MAGI2: variants seen among roughly 807,000 people sequenced by gnomAD.
MAGI2 encodes membrane associated guanylate kinase, WW and PDZ domain containing 2, also known as membrane-associated guanylate kinase, WW and PDZ domain-containing protein 2.
Under a neutral mutation model 133.3 loss-of-function variants are expected in MAGI2, and 35 were observed. The ratio of observed to expected loss-of-function variants is 0.26; its 90% CI spans 0.20 to 0.35. MAGI2 has a LOEUF of 0.35. Among genes scored for constraint, MAGI2 ranks in the 10% least tolerant of loss-of-function variants. The pLI, the probability that MAGI2 is intolerant of heterozygous loss-of-function variation, is 1.00. For missense variants in MAGI2, 1,636 were observed against 1,863.4 expected (o/e 0.88, Z 2.25); for synonymous variants, 729 against 710.6 (o/e 1.03, Z -0.41).
intron 3 of MAGI2, among the ~76,000 whole-genome samples, chr7:78,611,850 C>T (rs1806484617): frequency 6.6e-6 from 1 of 152,160 alleles, no homozygotes; most frequent in Non-Finnish European, 1.5e-5. Flanking sequence ...TACAACTGAC[C>T]TGAATCCACT....
chr7:78,274,541 C>T (rs907666424), intron 9 of MAGI2, among the ~76,000 whole-genome samples: 5 of 152,110 alleles, frequency 3.3e-5, no homozygotes, highest in South Asian at 4.1e-4. Context: ...TGCCCAGAAC[C>T]GCCCCTTCCC....
chr7:78,167,276 G>C (rs1825708414), intron 15 of MAGI2, among the ~76,000 whole-genome samples: 1 of 152,228 alleles, frequency 6.6e-6, no homozygotes, highest in Admixed American at 6.5e-5. Context: ...ATGGTAAAGA[G>C]AGATAAGTGG....
chr7:78,357,361 T>G (rs1792188998), intron 7 of MAGI2, among the ~76,000 whole-genome samples: 1 of 152,198 alleles, frequency 6.6e-6, no homozygotes, highest in Non-Finnish European at 1.5e-5. Context: ...TAATATTTTT[T>G]TCTCTGGGTT....
chr7:78,760,470 C>T (rs1263149242), intron 2 of MAGI2, among the ~76,000 whole-genome samples: 1 of 148,912 alleles, frequency 6.7e-6, no homozygotes, highest in African/African-American at 2.5e-5. Flanking sequence ...TCGAGCGATT[C>T]TCCTGCCTCA....
At chr7:79,275,076 C>G (rs1563069358) in intron 1 of MAGI2, among the ~76,000 whole-genome samples, 2 of 152,214 alleles carry the variant, frequency 1.3e-5, no homozygotes, top group African/African-American at 4.8e-5. Context: ...CCTACAATAT[C>G]CTCTAAGTGT....
At chr7:78,260,071 G>A (rs1793370820) in intron 9 of MAGI2, among the ~76,000 whole-genome samples, 1 of 152,162 alleles carries the variant, frequency 6.6e-6, no homozygotes. Context: ...TGAGTGGTCA[G>A]TTATCACAGG....
chr7:79,189,278 C>T (rs1320276610), intron 1 of MAGI2, among the ~76,000 whole-genome samples: 4 of 144,520 alleles, frequency 2.8e-5, no homozygotes, highest in Non-Finnish European at 3.0e-5. Flanking sequence ...ATCCTAGGAG[C>T]CTCATTCCTG....
At chr7:79,245,536 AC>A in intron 1 of MAGI2, among the ~76,000 whole-genome samples, 1 of 151,674 alleles carries the variant, frequency 6.6e-6, no homozygotes, top group East Asian at 1.9e-4. Context: ...ATGAGGGGAG[AC>A]CCCTCTGCAT....
At chr7:79,149,538 A>T (rs1302699666) in intron 1 of MAGI2, among the ~76,000 whole-genome samples, 1 of 152,126 alleles carries the variant, frequency 6.6e-6, no homozygotes, top group Non-Finnish European at 1.5e-5. Context: ...GGAAGCCATG[A>T]TTTTCATTTC....
intron 3 of MAGI2, among the ~76,000 whole-genome samples, chr7:78,599,056 T>G (rs2150871628): frequency 6.6e-6 from 1 of 152,210 alleles, no homozygotes; most frequent in East Asian, 1.9e-4. Context: ...CGCAACAAAT[T>G]TAAGGGAGAT....
chr7:78,333,537 C>T, intron 9 of MAGI2, among the ~76,000 whole-genome samples: 1 of 152,180 alleles, frequency 6.6e-6, no homozygotes, highest in East Asian at 1.9e-4. Context: ...TAGGAATTGA[C>T]AGACCACCTC....
intron 20 of MAGI2, among the ~76,000 whole-genome samples, chr7:78,124,965 G>A (rs564013157): frequency 6.6e-6 from 1 of 151,306 alleles, no homozygotes; most frequent in African/African-American, 2.4e-5. Flanking sequence ...CTGGGCTCAA[G>A]CGATTCTCCT....
chr7:78,962,240 C>G (rs1802907454), intron 2 of MAGI2, among the ~76,000 whole-genome samples: 1 of 151,986 alleles, frequency 6.6e-6, no homozygotes, highest in South Asian at 2.1e-4. Flanking sequence ...GATGGATTAT[C>G]ATAAAGCAAT....
chr7:78,965,226 T>C (rs1803206527), intron 2 of MAGI2, among the ~76,000 whole-genome samples: 1 of 151,570 alleles, frequency 6.6e-6, no homozygotes, highest in African/African-American at 2.4e-5. Flanking sequence ...ACATATATTA[T>C]CAATGTATGA....
chr7:79,266,814 C>T (rs1176080262), intron 1 of MAGI2, among the ~76,000 whole-genome samples: 8 of 152,152 alleles, frequency 5.3e-5, no homozygotes, highest in African/African-American at 1.4e-4. Context: ...ACCTGACAGA[C>T]ACCCCCCCAA....
At chr7:79,196,605 T>C (rs1437746549) in intron 1 of MAGI2, among the ~76,000 whole-genome samples, 7 of 151,976 alleles carry the variant, frequency 4.6e-5, no homozygotes, top group Admixed American at 4.6e-4. Context: ...ATAATCAATG[T>C]TTATATCATG....
intron 6 of MAGI2, among the ~76,000 whole-genome samples, chr7:78,469,939 C>A (rs1791021783): frequency 6.6e-6 from 1 of 151,998 alleles, no homozygotes; most frequent in Admixed American, 6.6e-5. Flanking sequence ...GCTTTTAAAC[C>A]AAGGAATAGT....
intron 2 of MAGI2, among the ~76,000 whole-genome samples, chr7:78,920,563 T>G (rs1799144864): frequency 6.6e-6 from 1 of 152,150 alleles, no homozygotes; most frequent in Non-Finnish European, 1.5e-5. Flanking sequence ...CTTAATGAAT[T>G]AACTGAAATT....
intron 1 of MAGI2, among the ~76,000 whole-genome samples, chr7:79,351,313 A>G (rs181678422): frequency 2.6e-5 from 4 of 152,286 alleles, no homozygotes; most frequent in Admixed American, 6.5e-5. Flanking sequence ...ATCTGGTAAA[A>G]TGCACTTGAA....
Sources: allele counts gnomAD v4.1 joint callset (sites outside exome capture counted in the v4.1 genomes callset), GRCh38; gene constraint gnomAD v4.1.1; transcripts MANE v1.5; gene names NCBI Gene and HGNC (gene_info 2026-07-23, HGNC 2026-07-21).